Variants in ZNF729 observed in about 807,000 individuals in gnomAD.
ZNF729 encodes the protein zinc finger protein 729.
A neutral mutation model predicts 12.2 loss-of-function variants in ZNF729; 15 were observed. The observed-to-expected ratio is 1.23, with a 90% CI of 0.82 to 1.89. ZNF729 has a LOEUF of 1.89. Ranked by LOEUF, ZNF729 falls within the 40% of genes most tolerant of loss-of-function variation. The probability of loss-of-function intolerance (pLI) is 0.00; values close to 1 mark genes in which losing one functional copy is unlikely to be tolerated. For synonymous variants in ZNF729, 492 were observed against 476.3 expected (o/e 1.03, Z -0.43); for missense variants, 1,540 against 1,456.7 (o/e 1.06, Z -0.93).
chr19:22,291,153 G>A (rs1968147428), intron 1 of ZNF729, among the ~76,000 whole-genome samples: 1 of 152,132 alleles, frequency 6.6e-6, no homozygotes, highest in Non-Finnish European at 1.5e-5. Flanking sequence ...TGTTTACCAA[G>A]CTCTACAAAT....
At chr19:22,286,994 T>C (rs886190535) in intron 1 of ZNF729, among the ~76,000 whole-genome samples, 6 of 152,302 alleles carry the variant, frequency 3.9e-5, no homozygotes, top group African/African-American at 1.4e-4. Flanking sequence ...TTAATCAAAG[T>C]GATTCAAAAA....
At chr19:22,310,464 GA>G in intron 3 of ZNF729, among the ~76,000 whole-genome samples, 1 of 152,210 alleles carries the variant, frequency 6.6e-6, no homozygotes, top group South Asian at 2.1e-4. Flanking sequence ...ATGATCATAT[GA>G]TTTTTGTTTT....
intron 1 of ZNF729, among the ~76,000 whole-genome samples, chr19:22,301,046 A>T (rs200552301): frequency 1.3e-5 from 2 of 151,748 alleles, no homozygotes; most frequent in Non-Finnish European, 2.9e-5. Context: ...TTGTTTTTTG[A>T]ACTATGTATT....
At chr19:22,287,238 C>CA (rs34031946) in intron 1 of ZNF729, among the ~76,000 whole-genome samples, 6,747 of 140,786 alleles carry the variant, frequency 0.048, 396 homozygotes, top group African/African-American at 0.14. Context: ...GTATAATTTA[C>CA]AAAAAAAAAA....
At chr19:22,287,172 A>C (rs956821601) in intron 1 of ZNF729, among the ~76,000 whole-genome samples, 2 of 152,018 alleles carry the variant, frequency 1.3e-5, no homozygotes, top group Non-Finnish European at 2.9e-5. Context: ...CGTTTATATA[A>C]TCAGAGGTTA....
chr19:22,307,727 G>A (rs377217781), intron 3 of ZNF729, among the ~76,000 whole-genome samples: 1 of 123,636 alleles, frequency 8.1e-6, no homozygotes, highest in East Asian at 2.5e-4. Context: ...TGGGCAACAA[G>A]AGCAAAACTC....
intron 1 of ZNF729, among the ~76,000 whole-genome samples, chr19:22,296,871 A>G (rs145926058): frequency 2.2e-4 from 34 of 152,254 alleles, no homozygotes; most frequent in African/African-American, 8.2e-4. Context: ...AGTGCAGGTT[A>G]ATTTCCATGT....
chr19:22,289,998 C>A (rs1445668285), intron 1 of ZNF729, among the ~76,000 whole-genome samples: 7 of 152,284 alleles, frequency 4.6e-5, no homozygotes, highest in Admixed American at 4.6e-4. Flanking sequence ...ATTTTCTTCC[C>A]TTACATGTAC....
intron 3 of ZNF729, among the ~76,000 whole-genome samples, chr19:22,313,074 T>TTTTTTTTTTTTTTA (rs1568576523): frequency 2.0e-5 from 3 of 151,832 alleles, no homozygotes; most frequent in African/African-American, 7.3e-5. Flanking sequence ...CTTTTTTTTT[T>TTTTTTTTTTTTTTA]GAGACAGGGT....
At chr19:22,286,704 G>C (rs1391098086) in intron 1 of ZNF729, 149 bp downstream of exon 1, 1 of 1,049,254 alleles carries the variant, frequency 9.5e-7, no homozygotes, top group East Asian at 2.4e-5. Context: ...GTCTCCTTCA[G>C]CCATAAGATG....
At chr19:22,312,544 G>A (rs1425939879) in intron 3 of ZNF729, among the ~76,000 whole-genome samples, 1 of 151,692 alleles carries the variant, frequency 6.6e-6, no homozygotes, top group African/African-American at 2.4e-5. Flanking sequence ...TTTTTTGTGT[G>A]TGTGGTACTA....
At chr19:22,303,984 A>T in intron 2 of ZNF729, 100 bp downstream of exon 2, 1 of 1,165,816 alleles carries the variant, frequency 8.6e-7, no homozygotes, top group Non-Finnish European at 1.2e-6. Context: ...ACTATAAATG[A>T]GTTTCACATC....
At chr19:22,298,149 T>C (rs1380295401) in intron 1 of ZNF729, among the ~76,000 whole-genome samples, 1 of 152,082 alleles carries the variant, frequency 6.6e-6, no homozygotes, top group Non-Finnish European at 1.5e-5. Flanking sequence ...CATAGTTACG[T>C]GTAGTGTTTG....
Position 22,315,132 on chromosome 19 carries a change from G to C in ZNF729, c.1715G>C (p.Cys572Ser), listed in dbSNP as rs762491262. The C allele has an allele frequency of 9.1e-5, 145 of 1,594,262 alleles. No homozygotes were observed. Among genetic ancestry groups the C allele is most frequent in the Non-Finnish European group, 1.2e-4 (141 of 1,173,094 alleles). ...HKVIHTGEKPCKCEECGKAFK... is the reference protein window; with the variant it reads ...HKVIHTGEKPSKCEECGKAFK... ...GTAATTCATACTGGAGAGAAACCCT[G>C]CAAATGTGAAGAATGTGGCAAAGCT... is the stretch of plus-strand genomic sequence containing the variant. Residue 572 changes from cysteine to serine, a missense_variant, in exon 4 of 4, where the codon TGC becomes TCC. Transcript: ENST00000601693.
At chr19:22,294,912 T>G (rs1465444901) in intron 1 of ZNF729, among the ~76,000 whole-genome samples, 2 of 151,930 alleles carry the variant, frequency 1.3e-5, no homozygotes, top group Non-Finnish European at 2.9e-5. Context: ...CCGGCTCGGC[T>G]TCCCAAAGTG....
At position 22,286,470 on chromosome 19, in the gene ZNF729, G is replaced by A. The variant is rs1968078088; in HGVS notation, c.-56G>A. The A allele has an allele frequency of 2.5e-6, 4 of 1,609,780 alleles. No individual in the cohort carries two copies. The highest frequency in any genetic ancestry group is 3.4e-6 in the Non-Finnish European group (4 of 1,178,802). ...TTCCCGGTCTCGCCTTCACTGCTGT[G>A]TGTCCTCAGCCTCTGTGGCCCTGTA... On this transcript the variant is annotated 5_prime_UTR_variant, in exon 1 of 4. It adds an upstream start codon to the 5' untranslated region. Coordinates refer to ENST00000601693, the MANE Select transcript of ZNF729 (RefSeq NM_001242680.2).
rs184947462 is a variant in ZNF729, at chr19:22,314,389, T to A, written c.972T>A (p.Asp324Glu). The A allele has an allele frequency of 0.012, 18,416 of 1,558,484 alleles. 373 individuals carry two copies. Among genetic ancestry groups the A allele is most frequent in the Admixed American group, 0.038 (2,094 of 55,426 alleles). ...HTAEKPYKCE[D>E]CGKTFNHFSA... is the part of the protein sequence containing the mutation. ...CAGAGAAACCCTACAAATGTGAAGATTGTGGCAAAACTTTTAACCATTTCT... is the reference window on the plus strand; with the variant it reads ...CAGAGAAACCCTACAAATGTGAAGAATGTGGCAAAACTTTTAACCATTTCT... The change falls in exon 4 of 4, where the codon GAT becomes GAA. Residue 324 changes from aspartate (D) to glutamate (E), a missense_variant. Asp to Glu is a conservative substitution (Grantham distance 45). Transcript: ENST00000601693.
At chr19:22,294,664 T>TC (rs1968202241) in intron 1 of ZNF729, among the ~76,000 whole-genome samples, 1 of 145,366 alleles carries the variant, frequency 6.9e-6, no homozygotes, top group Non-Finnish European at 1.5e-5. Context: ...TTTCTTTTTT[T>TC]TTTTTTTTTT....
chr19:22,302,728 GT>G lies in ZNF729; in HGVS notation c.31-1025del, dbSNP rs1173683170. Among the ~76,000 whole-genome samples, 12 of 150,132 alleles carry G rather than the reference GT, an allele frequency of 8.0e-5. No homozygotes were observed. In the East Asian group the frequency reaches 2.2e-3, roughly 27 times the overall value. ...TGGCCAAGTTCTGTTTAGATCCACT[GT>G]TTTTGGAGGCCTTATTTAGGTCAGG... is the stretch of plus-strand genomic sequence containing the variant. On this transcript the variant is annotated intron_variant, in intron 1 of 3. Transcript: ENST00000601693.
Sources: allele counts gnomAD v4.1 joint callset (sites outside exome capture counted in the v4.1 genomes callset), GRCh38; gene constraint gnomAD v4.1.1; transcripts MANE v1.5; gene names NCBI Gene and HGNC (gene_info 2026-07-23, HGNC 2026-07-21).